The following EEF1E1 variants were observed in gnomAD, a reference collection of about 807,000 sequenced individuals.
EEF1E1 encodes eukaryotic translation elongation factor 1 epsilon-1.
A neutral mutation model predicts 19.9 loss-of-function variants in EEF1E1; 19 were observed. That is an observed-to-expected ratio of 0.95 (90% confidence interval 0.66 to 1.40). EEF1E1 has a LOEUF of 1.40. Ranked by LOEUF, EEF1E1 falls within the 40% of genes most tolerant of loss-of-function variation. The pLI is 0.00. For missense variants in EEF1E1, 198 were observed against 202.2 expected, an observed-to-expected ratio of 0.98 and a Z score of 0.13; for synonymous variants, 81 against 80.0, an observed-to-expected ratio of 1.01 and a Z score of -0.07.
intron 3 of EEF1E1, among the ~76,000 whole-genome samples, chr6:8,080,600 G>C (rs951820169): frequency 1.3e-5 from 2 of 152,222 alleles, no homozygotes; most frequent in African/African-American, 4.8e-5. Context: ...AGAATGCTCA[G>C]AGATTTGGTT....
At chr6:8,097,231 T>C in intron 2 of EEF1E1, 36 bp downstream of exon 2, 1 of 1,587,270 alleles carries the variant, frequency 6.3e-7, no homozygotes, top group Non-Finnish European at 8.6e-7. Flanking sequence ...TGATTAACAG[T>C]TCATGCATTT....
chr6:8,099,636 A>G (rs1445050638), intron 1 of EEF1E1, among the ~76,000 whole-genome samples: 1 of 152,026 alleles, frequency 6.6e-6, no homozygotes, highest in Non-Finnish European at 1.5e-5. Flanking sequence ...AATCCCTGCT[A>G]CACGGGAGGC....
intron 3 of EEF1E1, among the ~76,000 whole-genome samples, chr6:8,080,735 G>A (rs1165829566): frequency 6.6e-6 from 1 of 152,230 alleles, no homozygotes; most frequent in Non-Finnish European, 1.5e-5. Flanking sequence ...CAGGTAAAGA[G>A]AAAACCAGTA....
At chr6:8,100,675 T>A (rs1758323477) in intron 1 of EEF1E1, among the ~76,000 whole-genome samples, 1 of 152,048 alleles carries the variant, frequency 6.6e-6, no homozygotes, top group Admixed American at 6.6e-5. Context: ...CCAGCCTTTG[T>A]TTCCTTGCAG....
chr6:8,075,293 G>C (rs1757564418), downstream of EEF1E1, among the ~76,000 whole-genome samples: 1 of 152,134 alleles, frequency 6.6e-6, no homozygotes. Context: ...TAAAGACCAT[G>C]TCACAAAACT....
intron 2 of EEF1E1, among the ~76,000 whole-genome samples, chr6:8,092,868 G>GTTGTT (rs1554099258): frequency 2.8e-4 from 30 of 108,154 alleles, no homozygotes; most frequent in Non-Finnish European, 4.1e-4. Context: ...GATAAAGACT[G>GTTGTT]CTTTTTTTTT....
chr6:8,084,647 CTGATGATAT>C (rs1419215898), intron 3 of EEF1E1, among the ~76,000 whole-genome samples: 1 of 152,168 alleles, frequency 6.6e-6, no homozygotes, highest in Non-Finnish European at 1.5e-5. Context: ...CAAAGGACGA[CTGATGATAT>C]TTTTCCTAAT....
chr6:8,088,663 A>T (rs949183672), intron 3 of EEF1E1, among the ~76,000 whole-genome samples: 1 of 152,186 alleles, frequency 6.6e-6, no homozygotes, highest in African/African-American at 2.4e-5. Context: ...TCCTGTATAT[A>T]TATTACCCAG....
intron 3 of EEF1E1, chr6:8,073,619 T>A: frequency 7.1e-7 from 1 of 1,407,540 alleles, no homozygotes; most frequent in Non-Finnish European, 9.4e-7. Flanking sequence ...TTATTAAAAG[T>A]TTTAACAGAT....
intron 3 of EEF1E1, among the ~76,000 whole-genome samples, chr6:8,084,893 A>G (rs1408619557): frequency 6.6e-6 from 1 of 152,176 alleles, no homozygotes; most frequent in Non-Finnish European, 1.5e-5. Context: ...TAGATACCTT[A>G]GCAGCAAATC....
At chr6:8,073,804 T>C (rs770212722) in intron 3 of EEF1E1, among the ~76,000 whole-genome samples, 1 of 152,168 alleles carries the variant, frequency 6.6e-6, no homozygotes, top group Non-Finnish European at 1.5e-5. Context: ...ACAAAATATC[T>C]TATACAATTG....
intron 3 of EEF1E1, 131 bp from the exon 4 acceptor site, chr6:8,080,161 A>AT (rs1757691877): frequency 1.0e-6 from 1 of 953,012 alleles, no homozygotes. Flanking sequence ...AAAAGCCAAC[A>AT]TATTCAGATA....
chr6:8,094,325 G>A (rs1419712743), intron 2 of EEF1E1, among the ~76,000 whole-genome samples: 3 of 151,822 alleles, frequency 2.0e-5, no homozygotes, highest in Admixed American at 2.0e-4. Context: ...CGCCGGGTGC[G>A]GTGGCTCACT....
chr6:8,102,167 G>A, intron 1 of EEF1E1: 1 of 1,232,330 alleles, frequency 8.1e-7, no homozygotes, highest in Non-Finnish European at 1.1e-6. Context: ...AACTGGTTTT[G>A]TTTCCTCATA....
intron 1 of EEF1E1, among the ~76,000 whole-genome samples, chr6:8,098,326 G>T (rs1349337482): frequency 6.6e-6 from 1 of 152,000 alleles, no homozygotes; most frequent in Admixed American, 6.6e-5. Context: ...CACTATGTTG[G>T]TCAGGCTGGT....
chr6:8,074,003 G>A (rs1757536593), intron 3 of EEF1E1, among the ~76,000 whole-genome samples: 1 of 152,186 alleles, frequency 6.6e-6, no homozygotes, highest in African/African-American at 2.4e-5. Context: ...AATCAATACA[G>A]CCAAACAGGG....
downstream of EEF1E1, among the ~76,000 whole-genome samples, chr6:8,075,550 T>C (rs751369196): frequency 3.2e-4 from 49 of 152,268 alleles, no homozygotes; most frequent in Non-Finnish European, 6.0e-4. Context: ...GTATGCACCT[T>C]AACTAAAAAA....
intron 3 of EEF1E1, chr6:8,073,582 C>G (rs918556089): frequency 1.1e-5 from 17 of 1,527,594 alleles, no homozygotes; most frequent in Non-Finnish European, 1.3e-5. Flanking sequence ...ACACTAAATG[C>G]TCAATAAATG....
At chr6:8,102,276 G>A (rs1758387369) in intron 1 of EEF1E1, among the ~76,000 whole-genome samples, 159 bp downstream of exon 1, 1 of 152,170 alleles carries the variant, frequency 6.6e-6, no homozygotes, top group South Asian at 2.1e-4. Context: ...AGGGGCCGAG[G>A]CCCAGAGGCG....
Sources: gnomAD v4.1 joint callset for allele counts (sites outside exome capture counted in the v4.1 genomes callset) on GRCh38, gnomAD v4.1.1 for gene constraint, MANE v1.5 for transcripts, NCBI Gene and HGNC (gene_info 2026-07-23, HGNC 2026-07-21) for gene names.